The following CTNNBIP1 variants were observed in gnomAD, a reference collection of about 807,000 sequenced individuals.
CTNNBIP1 encodes beta-catenin-interacting protein 1.
CTNNBIP1 carries 7 observed loss-of-function variants against 11.8 expected under a neutral mutation model. The observed-to-expected ratio is 0.60, with a 90% CI of 0.34 to 1.12. The LOEUF (loss-of-function observed/expected upper bound fraction) is 1.12. CTNNBIP1 is among the 50% of genes most tolerant of loss of function. The probability of loss-of-function intolerance (pLI) is 0.03; values close to 1 mark genes in which losing one functional copy is unlikely to be tolerated. For missense variants in CTNNBIP1, 101 were observed against 113.4 expected (o/e 0.89, Z 0.50); for synonymous variants, 58 against 43.9 (o/e 1.32, Z -1.26).
chr1:9,873,655 T>G (rs1638909314), intron 3 of CTNNBIP1, among the ~76,000 whole-genome samples: 1 of 152,186 alleles, frequency 6.6e-6, no homozygotes. Flanking sequence ...GCCACCTGGA[T>G]CTGGGTTACT....
Position 9,850,465 on chromosome 1 carries a change from A to G in CTNNBIP1, c.*253T>C. On this transcript the variant is annotated 3_prime_UTR_variant, in exon 6 of 6. Coordinates refer to ENST00000377263, the MANE Select transcript of CTNNBIP1 (RefSeq NM_020248.3). Reference sequence around the variant, plus strand: ...AAATAAAAGGTTTCTGTTGGTCAAGATTTAAAAAATAAAAAAGTTTCTTCC... The same window carrying G: ...AAATAAAAGGTTTCTGTTGGTCAAGGTTTAAAAAATAAAAAAGTTTCTTCC... 2.4e-6 allele frequency: 1 copy of G among 415,434 alleles called. No individual in the cohort carries two copies. Among genetic ancestry groups the G allele is most frequent in the East Asian group, 3.7e-5 (1 of 26,984 alleles). The allele number at this position is 415,434 out of a possible 1,614,324, so 25.7% of individuals were successfully genotyped here. A position where few individuals can be genotyped will look rare whatever the true frequency, so the allele number is the denominator to read the frequency against.
At chr1:9,905,110 G>A (rs1219798946) in intron 1 of CTNNBIP1, among the ~76,000 whole-genome samples, 1 of 152,092 alleles carries the variant, frequency 6.6e-6, no homozygotes, top group African/African-American at 2.4e-5. Context: ...CTTTTAGTGT[G>A]GACTCAAATA....
At chr1:9,857,122 AAAAAC>A (rs996771744) in intron 5 of CTNNBIP1, among the ~76,000 whole-genome samples, 18 of 151,160 alleles carry the variant, frequency 1.2e-4, no homozygotes, top group African/African-American at 3.6e-4. Context: ...ATGCCATCTC[AAAAAC>A]AAAACAAAAC....
intron 1 of CTNNBIP1, among the ~76,000 whole-genome samples, chr1:9,898,986 A>AC (rs1639466481): frequency 3.3e-5 from 5 of 151,856 alleles, no homozygotes; most frequent in Admixed American, 3.3e-4. Flanking sequence ...TTTAAAAAAA[A>AC]TTTTTTACTT....
rs561934525 is a variant in CTNNBIP1, at chr1:9,863,162, C to T, written c.187+8025G>A. On this transcript the variant is annotated intron_variant, in intron 5 of 5. Transcript: ENST00000377263. ...GGTGCTGAGTAAGCAGCTGGCCCTG[C>T]ACTTCAGCACATTCCTCGCTTTTCT... 1.7e-4 allele frequency among the ~76,000 whole-genome samples: 26 copies of T among 152,338 alleles called. 1 individual carries two copies. In the South Asian group the frequency reaches 5.2e-3, roughly 30 times the overall value.
At chr1:9,862,890 T>C (rs1228196792) in intron 5 of CTNNBIP1, among the ~76,000 whole-genome samples, 1 of 152,194 alleles carries the variant, frequency 6.6e-6, no homozygotes, top group Non-Finnish European at 1.5e-5. Context: ...AGTGGAACCG[T>C]CCAGCCATTG....
At chr1:9,858,530 T>G (rs1638557628) in intron 5 of CTNNBIP1, among the ~76,000 whole-genome samples, 1 of 152,194 alleles carries the variant, frequency 6.6e-6, no homozygotes. Context: ...TCTGTTGCCT[T>G]GATGTTCTTC....
At chr1:9,887,520 T>G (rs374522541) in intron 1 of CTNNBIP1, among the ~76,000 whole-genome samples, 3 of 152,038 alleles carry the variant, frequency 2.0e-5, no homozygotes, top group African/African-American at 7.2e-5. Flanking sequence ...ATCGCCAACA[T>G]AGTAAAACCC....
intron 1 of CTNNBIP1, among the ~76,000 whole-genome samples, chr1:9,894,896 T>C (rs535255348): frequency 3.5e-5 from 5 of 144,898 alleles, no homozygotes; most frequent in African/African-American, 2.7e-5. Flanking sequence ...GTGACTGCCA[T>C]GCCTGGCTAT....
intron 2 of CTNNBIP1, among the ~76,000 whole-genome samples, chr1:9,878,442 C>A (rs1047776362): frequency 6.6e-6 from 1 of 152,226 alleles, no homozygotes; most frequent in Non-Finnish European, 1.5e-5. Flanking sequence ...ACCCCGCAGC[C>A]TCTGTGCTCA....
intron 2 of CTNNBIP1, among the ~76,000 whole-genome samples, chr1:9,878,582 C>A (rs1639019048): frequency 6.6e-6 from 1 of 152,234 alleles, no homozygotes; most frequent in Admixed American, 6.5e-5. Context: ...GTCTACGTGC[C>A]CCCAATACAC....
chr1:9,886,489 G>A (rs61785593), intron 1 of CTNNBIP1, among the ~76,000 whole-genome samples: 10,498 of 152,288 alleles, frequency 0.069, 1,224 homozygotes, highest in African/African-American at 0.24. Context: ...ACGTACTCTG[G>A]CTTACTCTGT....
chr1:9,875,066 A>G (rs779610732), intron 3 of CTNNBIP1, among the ~76,000 whole-genome samples: 9 of 152,120 alleles, frequency 5.9e-5, no homozygotes, highest in Non-Finnish European at 1.2e-4. Flanking sequence ...CAAACACAAA[A>G]GCGCCAGCGT....
chr1:9,872,008 C>T lies in CTNNBIP1; in HGVS notation c.57G>A (p.Lys19=). The T allele has an allele frequency of 6.2e-7, 1 of 1,614,214 alleles. No homozygotes were observed. The highest frequency in any genetic ancestry group is 8.5e-7 in the Non-Finnish European group (1 of 1,180,020). Residue 19 remains lysine (K), a synonymous_variant, in exon 4 of 6, where the codon AAG becomes AAA. Coordinates refer to ENST00000377263, the MANE Select transcript of CTNNBIP1 (RefSeq NM_020248.3). This position sits in a 1 kb window ranked among gnomAD's most constrained non-coding sequence, Gnocchi z 4.0. ...TCCGCAGCATGAGCAGCACTCGGAC[C>T]TTCTGCTGAATGTACATCTCCTCCG... ...KSPEEMYIQQ[K]VRVLLMLRKM...
At chr1:9,858,508 G>C (rs946375716) in intron 5 of CTNNBIP1, among the ~76,000 whole-genome samples, 9 of 152,152 alleles carry the variant, frequency 5.9e-5, no homozygotes, top group African/African-American at 2.2e-4. Context: ...CAGGGCCTTT[G>C]CACCTGCCGC....
chr1:9,850,862 G>A (rs552045799), intron 5 of CTNNBIP1, 86 bp from the exon 6 acceptor site: 388 of 1,254,706 alleles, frequency 3.1e-4, no homozygotes, highest in Non-Finnish European at 4.0e-4. Flanking sequence ...GGCCAAGCTG[G>A]AGCCCCCGCC....
intron 1 of CTNNBIP1, among the ~76,000 whole-genome samples, chr1:9,884,725 G>C (rs1023408909): frequency 1.3e-5 from 2 of 152,198 alleles, no homozygotes; most frequent in Admixed American, 6.5e-5. Flanking sequence ...CGAGTGATGG[G>C]GAAATCCTTA....
intron 1 of CTNNBIP1, among the ~76,000 whole-genome samples, chr1:9,899,351 G>A (rs1288333973): frequency 6.6e-6 from 1 of 151,036 alleles, no homozygotes; most frequent in Non-Finnish European, 1.5e-5. Flanking sequence ...AGCTACCCAG[G>A]AGGCTGAGGC....
intron 1 of CTNNBIP1, among the ~76,000 whole-genome samples, chr1:9,885,715 G>A (rs931640409): frequency 5.9e-5 from 9 of 151,964 alleles, no homozygotes; most frequent in Admixed American, 3.9e-4. Context: ...AGGCCAAGGC[G>A]GGTGGATCAC....
Sources: allele counts gnomAD v4.1 joint callset (sites outside exome capture counted in the v4.1 genomes callset), GRCh38; gene constraint gnomAD v4.1.1; non-coding constraint Gnocchi (gnomAD v3.1); transcripts MANE v1.5; gene names NCBI Gene and HGNC (gene_info 2026-07-23, HGNC 2026-07-21).